Variants in MACF1 observed in about 807,000 individuals in gnomAD.
MACF1 encodes the protein microtubule-actin cross-linking factor 1.
A neutral mutation model predicts 854.8 loss-of-function variants in MACF1; 193 were observed. That is an observed-to-expected ratio of 0.23 (90% CI 0.20 to 0.25). The LOEUF is 0.25. MACF1 is among the 10% of genes least tolerant of loss of function. The pLI is 1.00. For synonymous variants in MACF1, 3,185 were observed against 3,226.7 expected, an observed-to-expected ratio of 0.99 and a Z score of 0.44; for missense variants, 7,722 against 8,929.1, an observed-to-expected ratio of 0.86 and a Z score of 5.45.
At chr1:39,199,320 A>G (rs888392589) in intron 2 of MACF1, among the ~76,000 whole-genome samples, 1 of 151,212 alleles carries the variant, frequency 6.6e-6, no homozygotes, top group Non-Finnish European at 1.5e-5. Flanking sequence ...GGGATAAAAT[A>G]TATTTATTTG....
At position 39,292,099 on chromosome 1, in the gene MACF1, G is replaced by C. The variant is rs1034559073; in HGVS notation, c.1914+61G>C. 3.1e-6 allele frequency: 5 copies of C among 1,589,282 alleles called. No homozygotes were observed. The African/African-American group carries it at 6.7e-5, about 21-fold the overall frequency. ...CGTGGTTGGAACGGATGAAAGGACAGTACACACAATAAAGCTGTATTGAAG... is the reference window on the plus strand; with the variant it reads ...CGTGGTTGGAACGGATGAAAGGACACTACACACAATAAAGCTGTATTGAAG... On this transcript the variant is annotated intron_variant, in intron 16 of 100. Transcript: ENST00000564288.
intron 60 of MACF1, 46 bp from the exon 61 acceptor site, chr1:39,423,982 T>A: frequency 6.7e-7 from 1 of 1,499,726 alleles, no homozygotes; most frequent in Non-Finnish European, 9.1e-7. Flanking sequence ...CTAGTTCAGA[T>A]TTCAAAATGA....
intron 2 of MACF1, among the ~76,000 whole-genome samples, chr1:39,112,582 G>A (rs1642440481): frequency 6.6e-6 from 1 of 152,022 alleles, no homozygotes; most frequent in African/African-American, 2.4e-5. Context: ...GATGGCTGAG[G>A]CACAAGAATT....
intron 2 of MACF1, among the ~76,000 whole-genome samples, chr1:39,190,387 G>T (rs1225202964): frequency 9.6e-5 from 10 of 103,896 alleles, no homozygotes; most frequent in South Asian, 3.8e-4. Flanking sequence ...GTGTGTGTGT[G>T]TGTGTTTGTT....
chr1:39,224,683 T>C (rs1160870338), intron 1 of MACF1, among the ~76,000 whole-genome samples: 1 of 152,158 alleles, frequency 6.6e-6, no homozygotes, highest in Non-Finnish European at 1.5e-5. Context: ...CAGTTGAAGA[T>C]ATACAGACTA....
Position 39,388,213 on chromosome 1 carries a change from T to G in MACF1, c.15371T>G (p.Phe5124Cys). The change falls in exon 58 of 101, where the codon TTT becomes TGT. Residue 5124 changes from phenylalanine to cysteine, a missense_variant. This residue lies in a region of MACF1 where 2,807 missense variants were observed against 3,235.8 expected (regional missense o/e 0.87). Coordinates refer to ENST00000564288, the MANE Select transcript of MACF1 (RefSeq NM_001394062.1). ...AACAAGCTGGAGGGGATTGGCCAGT[T>G]TCACTGCCGGGTCCGAGAGATGTTC... is the stretch of plus-strand genomic sequence containing the variant. ...MENKLEGIGQ[F>C]HCRVREMFSQ... 6.2e-7 allele frequency: 1 copy of G among 1,614,148 alleles called. No individual in the cohort carries two copies.
chr1:39,459,746 A>T, intron 91 of MACF1: 1 of 1,036,122 alleles, frequency 9.7e-7, no homozygotes, highest in Non-Finnish European at 1.3e-6. Flanking sequence ...TAAAAAATAT[A>T]GTACTATGCT....
intron 21 of MACF1, chr1:39,299,335 C>A (rs534038497): frequency 2.2e-5 from 10 of 455,138 alleles, no homozygotes; most frequent in African/African-American, 1.8e-4. Flanking sequence ...ATTATTAACT[C>A]TTTACTCTCA....
At chr1:39,182,120 C>T (rs1644112372) in intron 2 of MACF1, among the ~76,000 whole-genome samples, 1 of 150,790 alleles carries the variant, frequency 6.6e-6, no homozygotes. Flanking sequence ...CATTGCACTC[C>T]AGCCTGGGCA....
At chr1:39,185,490 G>C (rs1192966593) in intron 2 of MACF1, among the ~76,000 whole-genome samples, 1 of 151,304 alleles carries the variant, frequency 6.6e-6, no homozygotes, top group Non-Finnish European at 1.5e-5. Flanking sequence ...ACAGCATAGA[G>C]GCCCAGTTTC....
At chr1:39,251,124 C>T (rs1271105038) in intron 3 of MACF1, among the ~76,000 whole-genome samples, 1 of 152,114 alleles carries the variant, frequency 6.6e-6, no homozygotes, top group Non-Finnish European at 1.5e-5. Flanking sequence ...TCAGCTCCTT[C>T]TAGGATTGGG....
At chr1:39,365,447 C>T (rs186968186) in intron 49 of MACF1, among the ~76,000 whole-genome samples, 89 of 152,220 alleles carry the variant, frequency 5.8e-4, no homozygotes, top group Admixed American at 1.2e-3. Flanking sequence ...CTCATTGGAG[C>T]ACTTCAGATT....
chr1:39,100,928 G>GTGTA (rs1168675604), intron 2 of MACF1, among the ~76,000 whole-genome samples: 1 of 152,092 alleles, frequency 6.6e-6, no homozygotes, highest in Non-Finnish European at 1.5e-5. Flanking sequence ...GTGTGTGTGT[G>GTGTA]TGTATGTATA....
chr1:39,458,294 T>G, intron 89 of MACF1, 76 bp from the exon 90 acceptor site: 1 of 1,465,500 alleles, frequency 6.8e-7, no homozygotes, highest in Non-Finnish European at 9.3e-7. Flanking sequence ...AAAGTACCCA[T>G]CCTAGCTCTT....
rs1646827768 is a variant in MACF1, at chr1:39,337,286, G to A, written c.10170G>A (p.Leu3390=). ...TGAGGACCAAACAGATTCAACCTTT[G>A]GAGCTAAACCTGGCAGAACTACAGG... is the stretch of plus-strand genomic sequence containing the variant. ...IEMRTKQIQP[L]ELNLAELQDL... is the part of the protein sequence containing the mutation. Residue 3390 remains leucine (L), a synonymous_variant, in exon 38 of 101, where the codon TTG becomes TTA. Coordinates refer to ENST00000564288, the MANE Select transcript of MACF1 (RefSeq NM_001394062.1). 1 of 1,613,994 alleles carries A rather than the reference G, an allele frequency of 6.2e-7. No homozygotes were observed. The highest frequency in any genetic ancestry group is 8.5e-7 in the Non-Finnish European group (1 of 1,179,970).
In MACF1 at chr1:39,350,765, TC is replaced by T; in HGVS notation, c.10966-18del. The stretch of plus-strand genomic sequence containing the variant: ...GCACTAAAGTCGAAGGCTCTGCCAT[TC>T]CTATTTTCTTGTGTTAAGGATTTAC... On this transcript the variant is annotated intron_variant, in intron 42 of 100. Transcript: ENST00000564288. 6.3e-7 allele frequency: 1 copy of T among 1,586,394 alleles called. No homozygotes were observed. The highest frequency in any genetic ancestry group is 1.3e-5 in the African/African-American group (1 of 74,506).
At chr1:39,418,086 A>G (rs1011766470) in intron 58 of MACF1, among the ~76,000 whole-genome samples, 1 of 152,186 alleles carries the variant, frequency 6.6e-6, no homozygotes, top group Non-Finnish European at 1.5e-5. Flanking sequence ...TTTGAAGACA[A>G]TAGGGTGGAT....
At chr1:39,452,058 A>G (rs1022698699) in intron 85 of MACF1, 98 bp from the exon 86 acceptor site, 1 of 1,082,890 alleles carries the variant, frequency 9.2e-7, no homozygotes, top group Non-Finnish European at 1.3e-6. Context: ...CATAAAAGAC[A>G]CATGATTAGA....
chr1:39,355,626 C>T (rs998741019), intron 44 of MACF1, among the ~76,000 whole-genome samples: 8 of 151,968 alleles, frequency 5.3e-5, no homozygotes, highest in African/African-American at 1.9e-4. Context: ...CCACCACACC[C>T]AGCTAATTTT....
Sources: allele counts gnomAD v4.1 joint callset (sites outside exome capture counted in the v4.1 genomes callset), GRCh38; gene constraint gnomAD v4.1.1; regional missense constraint gnomAD v4.1.1; transcripts MANE v1.5; gene names NCBI Gene and HGNC (gene_info 2026-07-23, HGNC 2026-07-21).